Variants in INPP4A observed in about 807,000 individuals in gnomAD.
The protein encoded by INPP4A is inositol polyphosphate-4-phosphatase type I A, also known as inositol polyphosphate-4-phosphatase, type I, 107kD.
A neutral mutation model predicts 119.8 loss-of-function variants in INPP4A; 33 were observed. The ratio of observed to expected loss-of-function variants is 0.28; its 90% CI spans 0.21 to 0.37. The LOEUF is 0.37. Among genes scored for constraint, INPP4A ranks in the 10% least tolerant of loss-of-function variants. The pLI, the probability that INPP4A is intolerant of heterozygous loss-of-function variation, is 1.00. For missense variants in INPP4A, 956 were observed against 1,289.9 expected (o/e 0.74, Z 3.97); for synonymous variants, 496 against 500.7 (o/e 0.99, Z 0.12).
chr2:98,466,507 A>G (rs2104749967), intron 1 of INPP4A, among the ~76,000 whole-genome samples: 1 of 152,376 alleles, frequency 6.6e-6, no homozygotes, highest in African/African-American at 2.4e-5. Context: ...AGCATGCAGC[A>G]CTTCATTTAA....
intron 23 of INPP4A, among the ~76,000 whole-genome samples, chr2:98,573,665 G>A (rs1697892844): frequency 6.6e-6 from 1 of 152,152 alleles, no homozygotes; most frequent in Non-Finnish European, 1.5e-5. Flanking sequence ...CAGCTTCCCT[G>A]AGCAGCTCAC....
Position 98,546,113 on chromosome 2 carries a change from G to C in INPP4A, c.1054+40G>C. On this transcript the variant is annotated intron_variant, in intron 12 of 24. Transcript: ENST00000409851. This position sits in a 1 kb window ranked among gnomAD's most constrained non-coding sequence, Gnocchi z 4.2. ...GCTCCCTCTTGTTGAATCACATTTC[G>C]CTGCTTTTCTCTGTGGGTACTTGGT... The C allele has an allele frequency of 7.2e-7, 1 of 1,391,786 alleles. No homozygotes were observed. Among genetic ancestry groups the C allele is most frequent in the Non-Finnish European group, 1.0e-6 (1 of 1,001,866 alleles). The allele number at this position is 1,391,786 out of a possible 1,614,324, so 86.2% of individuals were successfully genotyped here.
At chr2:98,531,114 G>GC (rs1323712279) in intron 4 of INPP4A, among the ~76,000 whole-genome samples, 1 of 152,124 alleles carries the variant, frequency 6.6e-6, no homozygotes, top group Non-Finnish European at 1.5e-5. Flanking sequence ...CCTCTGAAAG[G>GC]CCCCACCCCT....
intron 1 of INPP4A, among the ~76,000 whole-genome samples, chr2:98,483,542 C>T (rs1028681724): frequency 1.3e-5 from 2 of 152,100 alleles, no homozygotes; most frequent in Admixed American, 6.5e-5. Context: ...TGGGATCTGT[C>T]GCCACTGCCA....
intron 21 of INPP4A, among the ~76,000 whole-genome samples, chr2:98,567,277 G>C (rs1218894952): frequency 6.6e-6 from 1 of 152,268 alleles, no homozygotes; most frequent in African/African-American, 2.4e-5. Context: ...GTCAGTGGAA[G>C]GGTTTGGTCT....
At chr2:98,447,979 G>A (rs972917923) in intron 1 of INPP4A, among the ~76,000 whole-genome samples, 1 of 149,978 alleles carries the variant, frequency 6.7e-6, no homozygotes, top group Admixed American at 6.7e-5. Context: ...CCTGGGAGGC[G>A]GATCTTGCAG....
At position 98,472,958 on chromosome 2, in the gene INPP4A, G is replaced by C. The variant is rs569230919; in HGVS notation, c.-166+27873G>C. 3.9e-5 allele frequency among the ~76,000 whole-genome samples: 6 copies of C among 152,236 alleles called. No individual in the cohort carries two copies. The East Asian group carries it at 1.2e-3, about 29-fold the overall frequency. ...GAAAGGAGTGTATTGTAGGTGCAGT[G>C]TAGAGTGAGGAGGGCAGTGCGGGTG... On this transcript the variant is annotated intron_variant, in intron 1 of 24. Transcript: ENST00000409851.
At chr2:98,458,999 T>C (rs1270392533) in intron 1 of INPP4A, among the ~76,000 whole-genome samples, 1 of 152,220 alleles carries the variant, frequency 6.6e-6, no homozygotes, top group African/African-American at 2.4e-5. Flanking sequence ...CCGAAGTGCT[T>C]GATTTTGACT....
intron 1 of INPP4A, among the ~76,000 whole-genome samples, chr2:98,458,403 G>A (rs563656591): frequency 2.6e-5 from 4 of 152,154 alleles, no homozygotes; most frequent in Admixed American, 2.6e-4. Context: ...GAGTGGCTAC[G>A]GATAGGCAGC....
chr2:98,552,534 A>C (rs1427248860), intron 13 of INPP4A: 1 of 614,974 alleles, frequency 1.6e-6, no homozygotes, highest in Non-Finnish European at 3.0e-6. Context: ...TACATACACA[A>C]GTAAAAATAC....
intron 4 of INPP4A, among the ~76,000 whole-genome samples, chr2:98,526,669 G>T (rs990270170): frequency 3.9e-5 from 6 of 152,156 alleles, no homozygotes; most frequent in African/African-American, 1.2e-4. Context: ...GTCTGTTCTT[G>T]CAGTTCTATA....
At chr2:98,574,105 T>A (rs1697991194) in intron 23 of INPP4A, among the ~76,000 whole-genome samples, 1 of 152,118 alleles carries the variant, frequency 6.6e-6, no homozygotes. Flanking sequence ...ATTTTTGAGG[T>A]ATCCTCTTGG....
At chr2:98,502,088 C>T (rs1306090457) in intron 1 of INPP4A, among the ~76,000 whole-genome samples, 1 of 152,184 alleles carries the variant, frequency 6.6e-6, no homozygotes, top group East Asian at 1.9e-4. Flanking sequence ...TGCATCTGGC[C>T]ATCCAAGAGT....
intron 1 of INPP4A, among the ~76,000 whole-genome samples, chr2:98,507,564 A>G (rs1684310635): frequency 6.6e-6 from 1 of 152,006 alleles, no homozygotes; most frequent in Non-Finnish European, 1.5e-5. Flanking sequence ...CCCCCATGCT[A>G]CAACGTGACC....
At chr2:98,553,975 C>T (rs1178754970) in intron 14 of INPP4A, among the ~76,000 whole-genome samples, 1 of 152,208 alleles carries the variant, frequency 6.6e-6, no homozygotes, top group African/African-American at 2.4e-5. Context: ...CTGCAGGCCC[C>T]TCCCCTAGCA....
intron 1 of INPP4A, among the ~76,000 whole-genome samples, chr2:98,447,219 A>T (rs1209259587): frequency 6.6e-6 from 1 of 152,196 alleles, no homozygotes; most frequent in Non-Finnish European, 1.5e-5. Context: ...AGTTGCCACA[A>T]CATCATCAAC....
chr2:98,548,982 T>C, intron 13 of INPP4A: 4 of 1,611,760 alleles, frequency 2.5e-6, no homozygotes, highest in Non-Finnish European at 3.4e-6. Flanking sequence ...GAGTTTTCTG[T>C]CTGTGGAGAG....
chr2:98,513,909 G>C (rs912407514), intron 1 of INPP4A, among the ~76,000 whole-genome samples: 1 of 152,190 alleles, frequency 6.6e-6, no homozygotes, highest in African/African-American at 2.4e-5. Flanking sequence ...GGTGCCCGTT[G>C]TTCTCTTATT....
chr2:98,581,616 G>A (rs773099256), intron 24 of INPP4A: 41 of 1,563,954 alleles, frequency 2.6e-5, no homozygotes, highest in Middle Eastern at 3.3e-4. Context: ...GAACTTGAGC[G>A]GCCTGGTGCC....
Sources: gnomAD v4.1 joint callset for allele counts (sites outside exome capture counted in the v4.1 genomes callset) on GRCh38, gnomAD v4.1.1 for gene constraint, Gnocchi (gnomAD v3.1) non-coding constraint, MANE v1.5 for transcripts, NCBI Gene and HGNC (gene_info 2026-07-23, HGNC 2026-07-21) for gene names.